Variants in C1QTNF7 observed in about 807,000 individuals in gnomAD.
C1QTNF7 encodes the protein complement C1q tumor necrosis factor-related protein 7.
In C1QTNF7, 15 loss-of-function variants were observed where a neutral mutation model predicts 19.6. That is an observed-to-expected ratio of 0.76 (90% confidence interval 0.51 to 1.18). The LOEUF (loss-of-function observed/expected upper bound fraction) is 1.18, where lower values mean the gene tolerates loss of function less well. Among genes scored for constraint, C1QTNF7 ranks in the 50% most tolerant of loss-of-function variants. C1QTNF7 has a pLI of 0.00. For synonymous variants in C1QTNF7, 142 were observed against 137.5 expected (o/e 1.03, Z -0.23); for missense variants, 324 against 359.7 (o/e 0.90, Z 0.80).
At chr4:15,397,509 G>A (rs1302692925) in intron 1 of C1QTNF7, among the ~76,000 whole-genome samples, 1 of 152,230 alleles carries the variant, frequency 6.6e-6, no homozygotes, top group Non-Finnish European at 1.5e-5. Context: ...ATCTGAGGCA[G>A]GAGTGTGCCT....
chr4:15,400,122 G>A (rs1391711659), intron 1 of C1QTNF7, among the ~76,000 whole-genome samples: 2 of 152,136 alleles, frequency 1.3e-5, no homozygotes, highest in Non-Finnish European at 2.9e-5. Flanking sequence ...CTAAGATATC[G>A]TCCATTGTTG....
chr4:15,389,385 C>G lies in C1QTNF7; in HGVS notation c.14-46351C>G, dbSNP rs187655669. ...ATGACAGGTCTGTGGCTTCTCTTCACTCCTGTGCATGATGATTGGAGGTAG... is the reference window on the plus strand; with the variant it reads ...ATGACAGGTCTGTGGCTTCTCTTCAGTCCTGTGCATGATGATTGGAGGTAG... On this transcript the variant is annotated intron_variant, in intron 1 of 2. Transcript: ENST00000295297. 3.0e-3 allele frequency among the ~76,000 whole-genome samples: 464 copies of G among 152,240 alleles called. 3 individuals carry two copies. Among genetic ancestry groups the G allele is most frequent in the African/African-American group, 0.011 (444 of 41,534 alleles).
intron 2 of C1QTNF7, among the ~76,000 whole-genome samples, chr4:15,437,638 A>C (rs1177935475): frequency 6.6e-6 from 1 of 152,212 alleles, no homozygotes; most frequent in African/African-American, 2.4e-5. Flanking sequence ...ATACCACCAC[A>C]TTCATAGATC....
intron 1 of C1QTNF7, among the ~76,000 whole-genome samples, chr4:15,350,346 G>GGGAAGGAAGGAGGAAATAAC (rs1577228307): frequency 2.0e-5 from 2 of 99,346 alleles, no homozygotes; most frequent in Non-Finnish European, 3.8e-5. Context: ...GAGGGAGGGA[G>GGGAAGGAAGGAGGAAATAAC]GGAGGGAGGG....
At chr4:15,351,601 G>A (rs532173113) in intron 1 of C1QTNF7, among the ~76,000 whole-genome samples, 3 of 152,260 alleles carry the variant, frequency 2.0e-5, no homozygotes, top group South Asian at 2.1e-4. Flanking sequence ...GAGCCCAAGC[G>A]GCGCCCGAGA....
At chr4:15,403,968 C>A (rs1350858549) in intron 1 of C1QTNF7, among the ~76,000 whole-genome samples, 1 of 152,076 alleles carries the variant, frequency 6.6e-6, no homozygotes, top group Admixed American at 6.6e-5. Context: ...AGTTCAGTAT[C>A]CTCCTAGAGT....
chr4:15,366,974 G>C (rs1717548918), intron 1 of C1QTNF7, among the ~76,000 whole-genome samples: 1 of 152,164 alleles, frequency 6.6e-6, no homozygotes, highest in African/African-American at 2.4e-5. Context: ...TTGAGACTAG[G>C]TTCTTTTGAG....
intron 1 of C1QTNF7, among the ~76,000 whole-genome samples, chr4:15,345,717 A>T (rs1716691326): frequency 6.6e-6 from 1 of 152,234 alleles, no homozygotes; most frequent in Non-Finnish European, 1.5e-5. Context: ...TCAGCAAAAT[A>T]GGTGGCCAAC....
At chr4:15,345,594 T>C (rs1716688166) in intron 1 of C1QTNF7, among the ~76,000 whole-genome samples, 1 of 152,140 alleles carries the variant, frequency 6.6e-6, no homozygotes, top group African/African-American at 2.4e-5. Flanking sequence ...AGCAAGGAAA[T>C]ACAGAAGGCT....
chr4:15,429,362 C>T (rs548213722), intron 1 of C1QTNF7, among the ~76,000 whole-genome samples: 170 of 152,318 alleles, frequency 1.1e-3, no homozygotes, highest in African/African-American at 3.9e-3. Context: ...CTGAAACTCT[C>T]TATACCCATG....
intron 1 of C1QTNF7, among the ~76,000 whole-genome samples, chr4:15,356,421 A>G (rs1190602123): frequency 1.3e-5 from 2 of 152,204 alleles, no homozygotes; most frequent in Non-Finnish European, 2.9e-5. Flanking sequence ...CCTGCAAAGG[A>G]CATGAACTCA....
chr4:15,363,915 T>C (rs1717426501), intron 1 of C1QTNF7, among the ~76,000 whole-genome samples: 1 of 152,252 alleles, frequency 6.6e-6, no homozygotes, highest in African/African-American at 2.4e-5. Context: ...GTTTTCCTCA[T>C]GTGATGATAC....
At chr4:15,399,544 G>A (rs757381435) in intron 1 of C1QTNF7, among the ~76,000 whole-genome samples, 2 of 152,190 alleles carry the variant, frequency 1.3e-5, no homozygotes, top group Non-Finnish European at 2.9e-5. Flanking sequence ...TAATAATCAT[G>A]TACGTAGTGT....
intron 1 of C1QTNF7, among the ~76,000 whole-genome samples, chr4:15,349,011 G>C (rs1464203608): frequency 6.6e-6 from 1 of 152,160 alleles, no homozygotes; most frequent in Non-Finnish European, 1.5e-5. Flanking sequence ...GGTGGTGCTA[G>C]GTTTATTCCT....
At position 15,445,541 on chromosome 4, in the gene C1QTNF7, A is replaced by T. The variant is rs1712961138; in HGVS notation, c.*2742A>T. 1 of 152,214 alleles carries T rather than the reference A, an allele frequency of 6.6e-6. No individual in the cohort carries two copies. The highest frequency in any genetic ancestry group is 1.5e-5 in the Non-Finnish European group (1 of 68,040). The allele number at this position is 152,214 out of a possible 1,614,324, so 9.4% of individuals were successfully genotyped here. ...TTAATTGGTTTGAAGCCTAGAGATGAATTTCGTTTTCAAATATCTGGTGGG... is the reference window on the plus strand; with the variant it reads ...TTAATTGGTTTGAAGCCTAGAGATGTATTTCGTTTTCAAATATCTGGTGGG... On this transcript the variant is annotated 3_prime_UTR_variant, in exon 3 of 3. Transcript: ENST00000444304.
chr4:15,383,975 C>T (rs1448405577), intron 1 of C1QTNF7, among the ~76,000 whole-genome samples: 1 of 152,164 alleles, frequency 6.6e-6, no homozygotes, highest in Non-Finnish European at 1.5e-5. Flanking sequence ...GTAGTTAGAC[C>T]AGGTAATCTT....
At chr4:15,365,559 A>G (rs1369081704) in intron 1 of C1QTNF7, among the ~76,000 whole-genome samples, 1 of 152,212 alleles carries the variant, frequency 6.6e-6, no homozygotes, top group Non-Finnish European at 1.5e-5. Flanking sequence ...TTGGTTGCAC[A>G]TGAGAAGAAC....
chr4:15,388,311 T>C (rs189300191), intron 1 of C1QTNF7, among the ~76,000 whole-genome samples: 33 of 152,296 alleles, frequency 2.2e-4, no homozygotes, highest in African/African-American at 7.2e-4. Flanking sequence ...AACCATCATA[T>C]GTTGAGATGG....
At chr4:15,384,546 A>T (rs558459139) in intron 1 of C1QTNF7, among the ~76,000 whole-genome samples, 2 of 152,318 alleles carry the variant, frequency 1.3e-5, no homozygotes, top group Admixed American at 6.5e-5. Context: ...CTGAGTCTAG[A>T]GAATGTTCTG....
Sources: gnomAD v4.1 joint callset for allele counts (sites outside exome capture counted in the v4.1 genomes callset) on GRCh38, gnomAD v4.1.1 for gene constraint, MANE v1.5 for transcripts, NCBI Gene and HGNC (gene_info 2026-07-23, HGNC 2026-07-21) for gene names.